FRMD4A: variants seen among roughly 807,000 people sequenced by gnomAD.
FRMD4A encodes FERM domain containing 4A, also known as FERM domain-containing protein 4A.
Under a neutral mutation model 129.1 loss-of-function variants are expected in FRMD4A, and 29 were observed. That is an observed-to-expected ratio of 0.22 (90% CI 0.17 to 0.31). FRMD4A has a LOEUF of 0.31. Among genes scored for constraint, FRMD4A ranks in the 10% least tolerant of loss-of-function variants. FRMD4A has a pLI of 1.00. For missense variants in FRMD4A, 1,272 were observed against 1,375.8 expected (o/e 0.92, Z 1.19); for synonymous variants, 634 against 571.6 (o/e 1.11, Z -1.56).
chr10:14,241,168 G>C (rs141114686), intron 2 of FRMD4A, among the ~76,000 whole-genome samples: 1 of 152,150 alleles, frequency 6.6e-6, no homozygotes, highest in East Asian at 1.9e-4. Context: ...TAATAAAATA[G>C]CCTATGTTAA....
intron 2 of FRMD4A, among the ~76,000 whole-genome samples, chr10:14,064,384 A>T (rs912661583): frequency 1.3e-5 from 2 of 152,210 alleles, no homozygotes; most frequent in South Asian, 4.1e-4. Context: ...CTTGTAAAAC[A>T]GTGCCCTGTG....
At chr10:14,104,274 T>C (rs114634794) in intron 2 of FRMD4A, among the ~76,000 whole-genome samples, 1,613 of 151,516 alleles carry the variant, frequency 0.011, 22 homozygotes, top group African/African-American at 0.036. Context: ...TACACCGCCA[T>C]TGAGGTCTAC....
At chr10:13,880,335 A>C (rs2131118972) in intron 2 of FRMD4A, among the ~76,000 whole-genome samples, 1 of 152,210 alleles carries the variant, frequency 6.6e-6, no homozygotes, top group Non-Finnish European at 1.5e-5. Context: ...CATATCCCAC[A>C]CTGAACCCTC....
chr10:14,313,051 T>A (rs927130830), intron 2 of FRMD4A, among the ~76,000 whole-genome samples: 1 of 152,128 alleles, frequency 6.6e-6, no homozygotes, highest in African/African-American at 2.4e-5. Flanking sequence ...TGTAAACGTA[T>A]TTTTATTTTT....
chr10:13,680,782 C>T (rs1215006514), intron 15 of FRMD4A, among the ~76,000 whole-genome samples: 1 of 151,814 alleles, frequency 6.6e-6, no homozygotes, highest in Admixed American at 6.6e-5. Context: ...CGCAGTGGCT[C>T]ATACCTGTAA....
At chr10:14,162,628 CTGTTTTTTTTT>C (rs1840951839) in intron 2 of FRMD4A, among the ~76,000 whole-genome samples, 7 of 136,400 alleles carry the variant, frequency 5.1e-5, no homozygotes, top group East Asian at 4.3e-4. Flanking sequence ...TTGAGTTTCT[CTGTTTTTTTTT>C]TGTTTTTTTT....
At chr10:14,256,844 A>C (rs895400356) in intron 2 of FRMD4A, among the ~76,000 whole-genome samples, 1 of 152,100 alleles carries the variant, frequency 6.6e-6, no homozygotes, top group Non-Finnish European at 1.5e-5. Flanking sequence ...AATAAAAATA[A>C]AAAATAAATG....
chr10:13,705,453 A>G (rs2087331499), intron 13 of FRMD4A, among the ~76,000 whole-genome samples: 1 of 152,266 alleles, frequency 6.6e-6, no homozygotes, highest in South Asian at 2.1e-4. Context: ...CGGAGGGTCT[A>G]TTCCCTGCGC....
At chr10:14,318,543 T>C (rs1047675061) in intron 2 of FRMD4A, among the ~76,000 whole-genome samples, 2 of 150,778 alleles carry the variant, frequency 1.3e-5, no homozygotes, top group Non-Finnish European at 2.9e-5. Context: ...ACTAAGCACA[T>C]GTTAGCCCCA....
chr10:13,663,654 G>C (rs534665083), intron 18 of FRMD4A, 145 bp from the exon 19 acceptor site: 4 of 626,784 alleles, frequency 6.4e-6, no homozygotes, highest in East Asian at 5.5e-5. Context: ...AAATGCTGTT[G>C]GGTGTTTCTT....
chr10:14,245,501 G>A (rs1490235458), intron 2 of FRMD4A, among the ~76,000 whole-genome samples: 1 of 152,154 alleles, frequency 6.6e-6, no homozygotes, highest in Non-Finnish European at 1.5e-5. Context: ...CCTGTTGTGG[G>A]CTGAATTGTA....
At chr10:14,266,550 TCACA>T (rs142001002) in intron 2 of FRMD4A, among the ~76,000 whole-genome samples, 25,956 of 151,668 alleles carry the variant, frequency 0.17, 2,951 homozygotes, top group African/African-American at 0.33. Flanking sequence ...TAGGGTTGTT[TCACA>T]CAAACACTCA....
intron 2 of FRMD4A, among the ~76,000 whole-genome samples, chr10:14,329,661 G>C (rs1843433935): frequency 6.6e-6 from 1 of 152,100 alleles, no homozygotes; most frequent in Non-Finnish European, 1.5e-5. Flanking sequence ...GTCACCCCAT[G>C]GGCAACAGAT....
chr10:14,187,181 C>T (rs941692196), intron 2 of FRMD4A, among the ~76,000 whole-genome samples: 2 of 150,438 alleles, frequency 1.3e-5, no homozygotes, highest in African/African-American at 4.9e-5. Flanking sequence ...GGAGGGAGGG[C>T]GACACTCTTC....
chr10:13,742,145 C>T (rs145719922), intron 9 of FRMD4A, among the ~76,000 whole-genome samples: 410 of 152,262 alleles, frequency 2.7e-3, no homozygotes, highest in Middle Eastern at 0.01. Context: ...CGTGAGCCAC[C>T]GCGCCCAGCT....
intron 4 of FRMD4A, among the ~76,000 whole-genome samples, chr10:13,803,460 T>C (rs547431398): frequency 1.4e-4 from 22 of 152,272 alleles, no homozygotes; most frequent in African/African-American, 4.8e-4. Flanking sequence ...GACTCCTGAA[T>C]AGCTGGGACT....
At chr10:13,964,680 T>A (rs117770717) in intron 2 of FRMD4A, among the ~76,000 whole-genome samples, 1 of 151,324 alleles carries the variant, frequency 6.6e-6, no homozygotes, top group Non-Finnish European at 1.5e-5. Context: ...TTTTGTTTTT[T>A]TTTTTTTTTT....
chr10:13,800,613 C>G (rs1355464682), intron 4 of FRMD4A, among the ~76,000 whole-genome samples: 1 of 152,144 alleles, frequency 6.6e-6, no homozygotes, highest in Non-Finnish European at 1.5e-5. Flanking sequence ...TCATACCACT[C>G]CACTGGCATA....
intron 3 of FRMD4A, among the ~76,000 whole-genome samples, chr10:13,828,840 T>C (rs1203729100): frequency 6.6e-6 from 1 of 152,184 alleles, no homozygotes; most frequent in Non-Finnish European, 1.5e-5. Context: ...CCACCACGTT[T>C]TCTTTATCCA....
Sources: allele counts gnomAD v4.1 joint callset (sites outside exome capture counted in the v4.1 genomes callset), GRCh38; gene constraint gnomAD v4.1.1; transcripts MANE v1.5; gene names NCBI Gene and HGNC (gene_info 2026-07-23, HGNC 2026-07-21).